Variants in ATF1 observed in about 807,000 individuals in gnomAD.
ATF1 encodes the protein activating transcription factor 1.
Under a neutral mutation model 34.7 loss-of-function variants are expected in ATF1, and 16 were observed. The ratio of observed to expected loss-of-function variants is 0.46; its 90% CI spans 0.31 to 0.70. ATF1 has a LOEUF of 0.70. ATF1 is among the 30% of genes least tolerant of loss of function. The pLI is 0.05. For synonymous variants in ATF1, 105 were observed against 113.1 expected, an observed-to-expected ratio of 0.93 and a Z score of 0.46; for missense variants, 255 against 321.6, an observed-to-expected ratio of 0.79 and a Z score of 1.58.
At chr12:50,793,915 C>CT in intron 2 of ATF1, among the ~76,000 whole-genome samples, 1 of 151,882 alleles carries the variant, frequency 6.6e-6, no homozygotes, top group East Asian at 1.9e-4. Context: ...TCTTATGTCC[C>CT]TTCTAAAGGC....
At position 50,789,766 on chromosome 12, in the gene ATF1, C is replaced by CA. The variant is rs34004258; in HGVS notation, c.94-6133dup. Among the ~76,000 whole-genome samples, 220 of 146,066 alleles carry CA rather than the reference C, an allele frequency of 1.5e-3. 2 individuals carry two copies. Among genetic ancestry groups the CA allele is most frequent in the African/African-American group, 5.1e-3 (204 of 39,946 alleles). ...TGAGACCCTGCCTGCGCCCTCCCAC[C>CA]AAAAAAAAAAGATTGGGGGACCAGG... On this transcript the variant is annotated intron_variant, in intron 2 of 6. Coordinates refer to ENST00000262053, the MANE Select transcript of ATF1 (RefSeq NM_005171.5).
intron 3 of ATF1, among the ~76,000 whole-genome samples, chr12:50,797,565 A>C (rs1213293714): frequency 6.6e-6 from 1 of 152,034 alleles, no homozygotes; most frequent in Non-Finnish European, 1.5e-5. Context: ...TGCAGCCTCA[A>C]CCTCCTGGGG....
chr12:50,815,117 G>A (rs1941816562), intron 6 of ATF1, among the ~76,000 whole-genome samples: 1 of 151,520 alleles, frequency 6.6e-6, no homozygotes, highest in South Asian at 2.1e-4. Context: ...GTGAGACTCT[G>A]TCTCAAAAAA....
chr12:50,800,839 C>T (rs1941497484), intron 3 of ATF1, among the ~76,000 whole-genome samples: 1 of 152,186 alleles, frequency 6.6e-6, no homozygotes, highest in Admixed American at 6.5e-5. Flanking sequence ...GTGGCTCATG[C>T]CTGTAATCCC....
intron 3 of ATF1, chr12:50,806,574 T>TTTTC (rs1941621442): frequency 5.0e-6 from 1 of 198,208 alleles, no homozygotes; most frequent in African/African-American, 2.3e-5. Context: ...TCCCCTGTAC[T>TTTTC]TTTCTTTATA....
At chr12:50,802,888 A>AAG (rs1244116299) in intron 3 of ATF1, among the ~76,000 whole-genome samples, 2 of 150,860 alleles carry the variant, frequency 1.3e-5, no homozygotes, top group African/African-American at 4.9e-5. Flanking sequence ...AAAAAAAAAA[A>AAG]AAAAAAGATC....
chr12:50,786,305 G>A (rs993099611), intron 2 of ATF1, among the ~76,000 whole-genome samples: 4 of 152,216 alleles, frequency 2.6e-5, no homozygotes, highest in Admixed American at 6.5e-5. Context: ...AACTCATAGA[G>A]GTGGGGTGTG....
chr12:50,799,310 A>G (rs1489707749), intron 3 of ATF1, among the ~76,000 whole-genome samples: 1 of 152,194 alleles, frequency 6.6e-6, no homozygotes, highest in East Asian at 1.9e-4. Context: ...ACTTGAGCCC[A>G]GGAGGTTGAT....
intron 1 of ATF1, chr12:50,775,697 T>C (rs1243868126): frequency 6.6e-6 from 1 of 152,326 alleles, no homozygotes; most frequent in Non-Finnish European, 1.5e-5. Flanking sequence ...TTCTAGTAAT[T>C]AACAAGATTA....
intron 2 of ATF1, among the ~76,000 whole-genome samples, chr12:50,786,355 G>A (rs1941184721): frequency 6.6e-6 from 1 of 152,132 alleles, no homozygotes; most frequent in African/African-American, 2.4e-5. Context: ...AAATAAGCAG[G>A]GCTGCGTACT....
In ATF1 at chr12:50,819,665, G is replaced by A. The variant is rs1161426108; in HGVS notation, c.702G>A (p.Lys234=). 1.2e-6 allele frequency: 2 copies of A among 1,613,012 alleles called. No homozygotes were observed. The highest frequency in any genetic ancestry group is 2.2e-5 in the East Asian group (1 of 44,834). Reference sequence around the variant, plus strand: ...CTGCTCGAGAATGTCGCAGAAAGAAGAAAGAATATGTGAAATGCCTGGAAA... The same window carrying A: ...CTGCTCGAGAATGTCGCAGAAAGAAAAAAGAATATGTGAAATGCCTGGAAA... ...REAARECRRK[K]KEYVKCLENR... is the part of the protein sequence containing the mutation. Residue 234 remains lysine, a synonymous_variant, in exon 7 of 7, where the codon AAG becomes AAA. Transcript: ENST00000262053.
chr12:50,804,696 T>C (rs941957027), intron 3 of ATF1, among the ~76,000 whole-genome samples: 1 of 152,166 alleles, frequency 6.6e-6, no homozygotes, highest in African/African-American at 2.4e-5. Flanking sequence ...AGGTCCACAG[T>C]TGCAGTTGAT....
intron 3 of ATF1, among the ~76,000 whole-genome samples, chr12:50,801,145 A>G (rs1451570163): frequency 2.0e-5 from 3 of 152,182 alleles, no homozygotes; most frequent in African/African-American, 7.2e-5. Flanking sequence ...TGAAATTCTG[A>G]TGGGGTTTTT....
chr12:50,812,125 T>C (rs1941750530), intron 4 of ATF1, among the ~76,000 whole-genome samples: 1 of 151,876 alleles, frequency 6.6e-6, no homozygotes, highest in African/African-American at 2.4e-5. Context: ...ACAGCTCAGT[T>C]TTAGAATAAA....
intron 3 of ATF1, among the ~76,000 whole-genome samples, chr12:50,798,407 C>T (rs1941451574): frequency 6.6e-6 from 1 of 151,496 alleles, no homozygotes; most frequent in South Asian, 2.1e-4. Context: ...CTCCTGGGTT[C>T]ATGCCATTCT....
intron 6 of ATF1, among the ~76,000 whole-genome samples, chr12:50,817,357 A>G (rs1592206476): frequency 6.6e-6 from 1 of 152,354 alleles, no homozygotes. Flanking sequence ...CTGAATGAAT[A>G]ATCATTTCAA....
chr12:50,781,947 G>A (rs944034873), intron 2 of ATF1, among the ~76,000 whole-genome samples: 5 of 150,012 alleles, frequency 3.3e-5, no homozygotes, highest in African/African-American at 1.2e-4. Context: ...ATGCATGAGT[G>A]TAAGAGCCAT....
rs60731667 is a variant in ATF1 at position 50,772,676 on chromosome 12, T to TTC, written c.-6-7446_-6-7445dup. 9.2e-3 allele frequency among the ~76,000 whole-genome samples: 1,379 copies of TTC among 150,536 alleles called. 10 individuals carry two copies. The highest frequency in any genetic ancestry group is 0.013 in the Non-Finnish European group (892 of 67,548). Reference sequence around the variant, plus strand: ...GTGAGGTAACTGTCTAAATATATTTTTCTCTCTCTCTCTCTCTCTTTTATT... The same window carrying TTC: ...GTGAGGTAACTGTCTAAATATATTTTTCTCTCTCTCTCTCTCTCTCTTTTATT... On this transcript the variant is annotated intron_variant, in intron 1 of 6. Transcript: ENST00000262053.
chr12:50,773,693 G>A lies in ATF1; in HGVS notation c.-6-6447G>A, dbSNP rs532482638. On this transcript the variant is annotated intron_variant, in intron 1 of 6. Coordinates refer to ENST00000262053, the MANE Select transcript of ATF1 (RefSeq NM_005171.5). The stretch of plus-strand genomic sequence containing the variant: ...TCGTTTCCGCCTCCTGGGTTCAGGC[G>A]ATTCTCCTGCCTCAGCCTTCCAAGT... Among the ~76,000 whole-genome samples, 8 of 151,904 alleles carry A rather than the reference G, an allele frequency of 5.3e-5. No homozygotes were observed. In the East Asian group the frequency reaches 9.7e-4, roughly 18 times the overall value.
Sources: allele counts gnomAD v4.1 joint callset (sites outside exome capture counted in the v4.1 genomes callset), GRCh38; gene constraint gnomAD v4.1.1; transcripts MANE v1.5; gene names NCBI Gene and HGNC (gene_info 2026-07-23, HGNC 2026-07-21).